The following FAM53B variants were observed in gnomAD, a reference collection of about 807,000 sequenced individuals.
FAM53B encodes the protein protein FAM53B.
A neutral mutation model predicts 32.7 loss-of-function variants in FAM53B; 12 were observed. The observed-to-expected ratio is 0.37, with a 90% CI of 0.24 to 0.59. The LOEUF (loss-of-function observed/expected upper bound fraction) is 0.59, where lower values mean the gene tolerates loss of function less well. FAM53B is among the 20% of genes least tolerant of loss of function. The probability of loss-of-function intolerance (pLI) is 0.72; values close to 1 mark genes in which losing one functional copy is unlikely to be tolerated. For synonymous variants in FAM53B, 234 were observed against 228.7 expected, an observed-to-expected ratio of 1.02 and a Z score of -0.21; for missense variants, 477 against 577.7, an observed-to-expected ratio of 0.83 and a Z score of 1.79.
chr10:124,701,654 A>C (rs1366118646), intron 2 of FAM53B, among the ~76,000 whole-genome samples: 1 of 152,212 alleles, frequency 6.6e-6, no homozygotes, highest in Non-Finnish European at 1.5e-5. Flanking sequence ...TAATGTTAGA[A>C]CACTGGAAGG....
At chr10:124,719,723 T>C (rs2134095127) in intron 1 of FAM53B, among the ~76,000 whole-genome samples, 1 of 152,210 alleles carries the variant, frequency 6.6e-6, no homozygotes, top group African/African-American at 2.4e-5. Context: ...GCAGCAAAAC[T>C]CTAAAGCCAG....
chr10:124,739,932 C>T (rs555936371), intron 1 of FAM53B, among the ~76,000 whole-genome samples: 7 of 152,026 alleles, frequency 4.6e-5, no homozygotes, highest in East Asian at 1.9e-4. Flanking sequence ...TTCCCCCTCT[C>T]AATCAACCCA....
intron 4 of FAM53B, among the ~76,000 whole-genome samples, chr10:124,663,359 C>A (rs555874027): frequency 2.0e-5 from 3 of 152,190 alleles, no homozygotes; most frequent in Admixed American, 2.0e-4. Context: ...AGAGACAATG[C>A]GAGCAGGAGA....
chr10:124,656,922 G>A (rs914136557), intron 4 of FAM53B, among the ~76,000 whole-genome samples: 2 of 151,814 alleles, frequency 1.3e-5, no homozygotes, highest in African/African-American at 4.8e-5. Flanking sequence ...ATAGCATTAG[G>A]AGATATACCT....
intron 1 of FAM53B, among the ~76,000 whole-genome samples, chr10:124,721,198 T>C (rs1950066772): frequency 6.6e-6 from 1 of 152,106 alleles, no homozygotes; most frequent in African/African-American, 2.4e-5. Context: ...TAAGAATCCA[T>C]CTCAAAAAAT....
chr10:124,667,939 G>T (rs573127673), intron 4 of FAM53B, among the ~76,000 whole-genome samples: 1 of 152,274 alleles, frequency 6.6e-6, no homozygotes, highest in African/African-American at 2.4e-5. Flanking sequence ...GGCCCAGGGA[G>T]GGGCAGCGAC....
intron 4 of FAM53B, among the ~76,000 whole-genome samples, chr10:124,660,554 T>C (rs890163306): frequency 6.6e-6 from 1 of 152,124 alleles, no homozygotes; most frequent in African/African-American, 2.4e-5. Flanking sequence ...TGGGGGGGCA[T>C]GGGAAGGGCC....
At chr10:124,646,265 G>A (rs901908296) in intron 4 of FAM53B, among the ~76,000 whole-genome samples, 4 of 152,330 alleles carry the variant, frequency 2.6e-5, no homozygotes, top group South Asian at 2.1e-4. Context: ...AGTGCAGCTC[G>A]CTTTCTTTAG....
chr10:124,691,069 T>G (rs1164046027), intron 3 of FAM53B, among the ~76,000 whole-genome samples: 1 of 152,264 alleles, frequency 6.6e-6, no homozygotes, highest in East Asian at 1.9e-4. Flanking sequence ...ACGCTTTTCC[T>G]GCAATGCGCA....
intron 4 of FAM53B, among the ~76,000 whole-genome samples, chr10:124,661,946 C>T (rs1011240696): frequency 2.6e-5 from 4 of 152,228 alleles, no homozygotes; most frequent in East Asian, 1.9e-4. Flanking sequence ...GTCTGGGCTC[C>T]GATCGGTGAG....
intron 4 of FAM53B, among the ~76,000 whole-genome samples, chr10:124,673,489 T>G (rs938642395): frequency 6.6e-6 from 1 of 152,192 alleles, no homozygotes; most frequent in South Asian, 2.1e-4. Context: ...CGACTCAGCA[T>G]AAGTTAACCC....
chr10:124,664,862 GA>G (rs1356249601), intron 4 of FAM53B, among the ~76,000 whole-genome samples: 1 of 152,188 alleles, frequency 6.6e-6, no homozygotes, highest in Non-Finnish European at 1.5e-5. Context: ...GGGCCAGAGG[GA>G]AGTCCCAAAG....
chr10:124,623,111 T>G lies in FAM53B; in HGVS notation c.*131A>C, dbSNP rs1288171485. On this transcript the variant is annotated 3_prime_UTR_variant, in exon 5 of 5. Coordinates refer to ENST00000337318, the MANE Select transcript of FAM53B (RefSeq NM_014661.4). ...CCAGGCAGCAGGTGGGCTCCCTCTC[T>G]GGGACCCGACACCACTCAGGAAGCT... 2 of 1,260,620 alleles carry G rather than the reference T, an allele frequency of 1.6e-6. No individual in the cohort carries two copies. Among genetic ancestry groups the G allele is most frequent in the East Asian group, 4.9e-5 (2 of 40,882 alleles). The allele number at this position is 1,260,620 out of a possible 1,614,324, so 78.1% of individuals were successfully genotyped here.
At chr10:124,675,574 A>G (rs1949731911) in intron 4 of FAM53B, among the ~76,000 whole-genome samples, 1 of 152,248 alleles carries the variant, frequency 6.6e-6, no homozygotes, top group African/African-American at 2.4e-5. Flanking sequence ...AGGCACTGCC[A>G]TTCCCATTTT....
rs528067078 is a variant in FAM53B, at chr10:124,735,352, G to A, written c.-175+8661C>T. On this transcript the variant is annotated intron_variant, in intron 1 of 4. Transcript: ENST00000337318. ...TAACGTTCTATGCTTAGGAGCAAAA[G>A]TAAATCACTTTTGGTAAAAAAAGAT... 5.3e-5 allele frequency among the ~76,000 whole-genome samples: 8 copies of A among 152,264 alleles called. No individual in the cohort carries two copies. In the South Asian group the frequency reaches 1.7e-3, roughly 32 times the overall value.
In FAM53B at chr10:124,626,288, C is replaced by T. The variant is rs181582268; in HGVS notation, c.907-2684G>A. On this transcript the variant is annotated intron_variant, in intron 4 of 4. Transcript: ENST00000337318. ...GTCCTGCTCGGAGCTTCCCACTGACCTCCTCTGGCATAAGGCGCAGGTAGC... is the reference window on the plus strand; with the variant it reads ...GTCCTGCTCGGAGCTTCCCACTGACTTCCTCTGGCATAAGGCGCAGGTAGC... Among the ~76,000 whole-genome samples, 332 of 152,306 alleles carry T rather than the reference C, an allele frequency of 2.2e-3. 2 individuals are homozygous for T. Among genetic ancestry groups the T allele is most frequent in the African/African-American group, 7.5e-3 (312 of 41,558 alleles).
At chr10:124,690,922 G>C (rs1251698446) in intron 3 of FAM53B, among the ~76,000 whole-genome samples, 1 of 152,040 alleles carries the variant, frequency 6.6e-6, no homozygotes, top group African/African-American at 2.4e-5. Context: ...ATTCAAAATG[G>C]CTGTCTCTGC....
chr10:124,635,809 G>GGC (rs1427135463), intron 4 of FAM53B, among the ~76,000 whole-genome samples: 2 of 152,146 alleles, frequency 1.3e-5, no homozygotes, highest in Admixed American at 6.5e-5. Context: ...GGGTACATCT[G>GGC]TGCAGTGGAA....
chr10:124,744,214 C>G lies in FAM53B; in HGVS notation c.-376G>C, dbSNP rs1281481746. On this transcript the variant is annotated 5_prime_UTR_variant, in exon 1 of 5. Coordinates refer to ENST00000337318, the MANE Select transcript of FAM53B (RefSeq NM_014661.4). The stretch of plus-strand genomic sequence containing the variant: ...TGCAACTCGTCCCTTTAACCGGCAC[C>G]GGCCAGGCCGCCCGCACCCGCCGCC... 1 of 146,978 alleles carries G rather than the reference C, an allele frequency of 6.8e-6. No homozygotes were observed. Among genetic ancestry groups the G allele is most frequent in the South Asian group, 2.1e-4 (1 of 4,832 alleles). 9.1% of individuals were successfully genotyped at this position (146,978 alleles called of 1,614,324 possible).
Sources: gnomAD v4.1 joint callset for allele counts (sites outside exome capture counted in the v4.1 genomes callset) on GRCh38, gnomAD v4.1.1 for gene constraint, MANE v1.5 for transcripts, NCBI Gene and HGNC (gene_info 2026-07-23, HGNC 2026-07-21) for gene names.